Variants in HEMK2 observed in about 807,000 individuals in gnomAD.
HEMK2 encodes methyltransferase HEMK2.
chr21:28,865,844 T>C, the HEMK2 span, among the ~76,000 whole-genome samples: 1 of 152,204 alleles, frequency 6.6e-6, no homozygotes, highest in East Asian at 1.9e-4. Context: ...CTCTGTGCGT[T>C]CCTCTATCAT....
chr21:28,845,553 AATGTGAT>A, the HEMK2 span, among the ~76,000 whole-genome samples: 6 of 152,038 alleles, frequency 3.9e-5, no homozygotes, highest in African/African-American at 1.4e-4. Context: ...ATTTCTATTC[AATGTGAT>A]ATGCCTTTCC....
chr21:28,706,702 C>T, the HEMK2 span, among the ~76,000 whole-genome samples: 1 of 152,172 alleles, frequency 6.6e-6, no homozygotes, highest in Non-Finnish European at 1.5e-5. Context: ...AACGCTTGTA[C>T]TTTCAAGACT....
chr21:28,602,037 G>C, the HEMK2 span, among the ~76,000 whole-genome samples: 1 of 152,156 alleles, frequency 6.6e-6, no homozygotes, highest in East Asian at 1.9e-4. Context: ...ATAATGGCTT[G>C]TACAAGCCTA....
chr21:28,796,063 C>G, the HEMK2 span, among the ~76,000 whole-genome samples: 1 of 152,212 alleles, frequency 6.6e-6, no homozygotes, highest in Non-Finnish European at 1.5e-5. Flanking sequence ...ACTGCCTTGA[C>G]TCTATACAGA....
chr21:28,733,727 GTTTT>G, the HEMK2 span, among the ~76,000 whole-genome samples: 9 of 145,748 alleles, frequency 6.2e-5, no homozygotes, highest in Non-Finnish European at 9.1e-5. Flanking sequence ...CAAGCCACTG[GTTTT>G]TTTTTTTTAA....
At chr21:28,859,476 GA>G in the HEMK2 span, among the ~76,000 whole-genome samples, 1 of 152,144 alleles carries the variant, frequency 6.6e-6, no homozygotes, top group African/African-American at 2.4e-5. Flanking sequence ...AGTTATTTGA[GA>G]AATCATGGCA....
chr21:28,735,345 G>T, the HEMK2 span, among the ~76,000 whole-genome samples: 5 of 152,094 alleles, frequency 3.3e-5, no homozygotes, highest in African/African-American at 1.2e-4. Context: ...GTGAAAATCT[G>T]CTTCCAATCC....
At chr21:28,631,321 G>A in the HEMK2 span, among the ~76,000 whole-genome samples, 1 of 152,198 alleles carries the variant, frequency 6.6e-6, no homozygotes, top group African/African-American at 2.4e-5. Flanking sequence ...AAATGTGCTA[G>A]TAACATTCTT....
the HEMK2 span, among the ~76,000 whole-genome samples, chr21:28,653,448 C>G: frequency 6.6e-6 from 1 of 152,100 alleles, no homozygotes; most frequent in South Asian, 2.1e-4. Context: ...ATTTAAGGAT[C>G]CTTGTCCTAG....
the HEMK2 span, among the ~76,000 whole-genome samples, chr21:28,672,977 A>C: frequency 2.0e-5 from 3 of 147,494 alleles, no homozygotes; most frequent in Non-Finnish European, 1.5e-5. Context: ...AAAAAAATAA[A>C]AAAAGAGAGA....
the HEMK2 span, among the ~76,000 whole-genome samples, chr21:28,768,015 A>G: frequency 1.3e-5 from 2 of 151,972 alleles, no homozygotes; most frequent in Non-Finnish European, 2.9e-5. Flanking sequence ...TGCGTCCTCT[A>G]TGGATGAGGA....
the HEMK2 span, among the ~76,000 whole-genome samples, chr21:28,594,241 G>A: frequency 6.6e-6 from 1 of 152,166 alleles, no homozygotes; most frequent in African/African-American, 2.4e-5. Flanking sequence ...AGACTGAGCA[G>A]ACATGAGGAC....
the HEMK2 span, among the ~76,000 whole-genome samples, chr21:28,628,616 C>A: frequency 3.3e-5 from 5 of 152,124 alleles, no homozygotes; most frequent in African/African-American, 9.7e-5. Flanking sequence ...TCACACCCAG[C>A]TAATTTTTGT....
the HEMK2 span, among the ~76,000 whole-genome samples, chr21:28,831,713 AGGAAGGAAG>A: frequency 7.6e-6 from 1 of 131,860 alleles, no homozygotes; most frequent in Non-Finnish European, 1.6e-5. Flanking sequence ...GAAGGAAGGA[AGGAAGGAAG>A]GAAGGAAGGA....
At chr21:28,662,837 T>C in the HEMK2 span, among the ~76,000 whole-genome samples, 1 of 152,276 alleles carries the variant, frequency 6.6e-6, no homozygotes, top group African/African-American at 2.4e-5. Flanking sequence ...CTTTATAAAT[T>C]ACCCAGTCTC....
At chr21:28,673,396 G>T in the HEMK2 span, among the ~76,000 whole-genome samples, 1 of 151,978 alleles carries the variant, frequency 6.6e-6, no homozygotes, top group African/African-American at 2.4e-5. Flanking sequence ...TGCTGAAAGT[G>T]GATTTAAATC....
the HEMK2 span, among the ~76,000 whole-genome samples, chr21:28,634,634 C>T: frequency 1.6e-3 from 248 of 152,220 alleles, 1 homozygote; most frequent in African/African-American, 5.5e-3. Context: ...TGAAAACAGA[C>T]ATTAGAAATA....
chr21:28,805,652 T>C, the HEMK2 span, among the ~76,000 whole-genome samples: 1 of 152,134 alleles, frequency 6.6e-6, no homozygotes, highest in African/African-American at 2.4e-5. Context: ...CTTTACATTG[T>C]TTTATTTAAA....
At chr21:28,838,481 C>T in the HEMK2 span, among the ~76,000 whole-genome samples, 59 of 151,620 alleles carry the variant, frequency 3.9e-4, no homozygotes, top group African/African-American at 1.4e-3. Context: ...TTGCAGTGAG[C>T]TGAAATAGCG....
Sources: gnomAD v4.1 joint callset for allele counts (sites outside exome capture counted in the v4.1 genomes callset) on GRCh38, gnomAD v4.1.1 for gene constraint, MANE v1.5 for transcripts, NCBI Gene and HGNC (gene_info 2026-07-23, HGNC 2026-07-21) for gene names.